Variants in PTAFR observed in about 807,000 individuals in gnomAD.
The protein encoded by PTAFR is platelet-activating factor receptor.
In PTAFR, 8 loss-of-function variants were observed where a neutral mutation model predicts 14.7. The observed-to-expected ratio is 0.54, with a 90% confidence interval of 0.32 to 0.98. PTAFR has a LOEUF of 0.98. Among genes scored for constraint, PTAFR ranks in the 50% least tolerant of loss-of-function variants. PTAFR has a pLI of 0.04. For missense variants in PTAFR, 337 were observed against 451.2 expected (o/e 0.75, Z 2.29); for synonymous variants, 156 against 176.5 (o/e 0.88, Z 0.92).
chr1:28,177,728 T>A (rs1240189146), upstream of PTAFR, among the ~76,000 whole-genome samples: 1 of 152,146 alleles, frequency 6.6e-6, no homozygotes, highest in African/African-American at 2.4e-5. Context: ...AATTTGGACA[T>A]ACTTTCTTCT....
chr1:28,147,294 C>T lies in PTAFR; in HGVS notation c.*2699G>A, dbSNP rs1646127970. ...GGGGAGTTAGCACAGAAGCACTTTC[C>T]TCATTCAGAGCTCTTTTGGCTGCGA... On this transcript the variant is annotated 3_prime_UTR_variant, in exon 2 of 2. Coordinates refer to ENST00000373857, the MANE Select transcript of PTAFR (RefSeq NM_000952.5). 1 of 152,090 alleles carries T rather than the reference C, an allele frequency of 6.6e-6. No individual in the cohort carries two copies. Among genetic ancestry groups the T allele is most frequent in the African/African-American group, 2.4e-5 (1 of 41,412 alleles). 9.4% of individuals were successfully genotyped at this position (152,090 alleles called of 1,614,324 possible).
chr1:28,155,947 C>A (rs1266760396), intron 1 of PTAFR, among the ~76,000 whole-genome samples: 1 of 151,920 alleles, frequency 6.6e-6, no homozygotes, highest in Non-Finnish European at 1.5e-5. Context: ...CTACTATATG[C>A]GGGGCTTTGA....
At chr1:28,172,340 C>T (rs1020119752) in intron 1 of PTAFR, among the ~76,000 whole-genome samples, 5 of 152,150 alleles carry the variant, frequency 3.3e-5, no homozygotes, top group South Asian at 2.1e-4. Context: ...CCAGGAATCA[C>T]GCTGACATCT....
Position 28,165,827 on chromosome 1 carries a change from A to C in PTAFR, c.-39+10765T>G, listed in dbSNP as rs187646422. Reference sequence around the variant, plus strand: ...AAAGAAATTGAAGATGACACAAATAAATGGAAAGACATCCCAAGTTCATGG... The same window carrying C: ...AAAGAAATTGAAGATGACACAAATACATGGAAAGACATCCCAAGTTCATGG... On this transcript the variant is annotated intron_variant, in intron 1 of 1. Transcript: ENST00000373857. Among the ~76,000 whole-genome samples the C allele has an allele frequency of 2.9e-3, 445 of 152,256 alleles. 13 individuals are homozygous for C. The highest frequency in any genetic ancestry group is 4.1e-4 in the Non-Finnish European group (28 of 68,018).
upstream of PTAFR, among the ~76,000 whole-genome samples, chr1:28,178,808 T>C (rs1646539821): frequency 2.0e-5 from 3 of 151,320 alleles, no homozygotes; most frequent in South Asian, 6.2e-4. Context: ...ATCTCCTTCC[T>C]CGAGTTCATG....
chr1:28,159,537 C>T (rs1279430439), intron 1 of PTAFR, among the ~76,000 whole-genome samples: 1 of 152,080 alleles, frequency 6.6e-6, no homozygotes, highest in Non-Finnish European at 1.5e-5. Flanking sequence ...GTCAAATCCT[C>T]ACTCAAGAAG....
chr1:28,151,330 C>A (rs1234300947), intron 1 of PTAFR, among the ~76,000 whole-genome samples: 2 of 152,088 alleles, frequency 1.3e-5, no homozygotes, highest in Non-Finnish European at 2.9e-5. Flanking sequence ...CAGGCATGCA[C>A]CACCATGCCT....
At chr1:28,162,897 C>T (rs556585036) in intron 1 of PTAFR, among the ~76,000 whole-genome samples, 2 of 151,812 alleles carry the variant, frequency 1.3e-5, no homozygotes, top group South Asian at 4.2e-4. Context: ...GTGCACGCAC[C>T]GAAATCTGAG....
chr1:28,186,783 G>T (rs1042415661), intron 1 of PTAFR, among the ~76,000 whole-genome samples: 1 of 152,052 alleles, frequency 6.6e-6, no homozygotes, highest in African/African-American at 2.4e-5. Context: ...AAATTAACCC[G>T]GGGTGGTGGC....
At chr1:28,181,572 C>T (rs1646562889), upstream of PTAFR, among the ~76,000 whole-genome samples, 1 of 151,782 alleles carries the variant, frequency 6.6e-6, no homozygotes, top group Admixed American at 6.6e-5. Flanking sequence ...GGAGAAACCC[C>T]GTCTCTATTA....
chr1:28,161,995 C>A (rs1646329067), intron 1 of PTAFR, among the ~76,000 whole-genome samples: 1 of 152,084 alleles, frequency 6.6e-6, no homozygotes, highest in Admixed American at 6.6e-5. Context: ...GAACAAGAAA[C>A]TGAAAGGTTG....
At chr1:28,183,758 T>C (rs1338184063) in intron 1 of PTAFR, among the ~76,000 whole-genome samples, 2 of 152,104 alleles carry the variant, frequency 1.3e-5, no homozygotes, top group East Asian at 1.9e-4. Context: ...TGGTGGCACA[T>C]GCCTGTTAAT....
rs889937654 is a variant in PTAFR, at chr1:28,150,373, G to C, written c.649C>G (p.Pro217Ala). The change falls in exon 2 of 2, where the codon CCG becomes GCG. Residue 217 changes from proline (P) to alanine (A), a missense_variant. Transcript: ENST00000373857. The surrounding 1 kb of genome is among the most constrained non-coding windows in gnomAD (Gnocchi z 6.3). ...TCAGCGTTGCGCTGCTGCTGCACCGGCTGCATGAGCAAGGTACGGATGATG... is the reference window on the plus strand; with the variant it reads ...TCAGCGTTGCGCTGCTGCTGCACCGCCTGCATGAGCAAGGTACGGATGATG... ...LVIIRTLLMQ[P>A]VQQQRNAEVK... 1 of 1,613,980 alleles carries C rather than the reference G, an allele frequency of 6.2e-7. No homozygotes were observed. The highest frequency in any genetic ancestry group is 1.3e-5 in the African/African-American group (1 of 75,070).
intron 1 of PTAFR, among the ~76,000 whole-genome samples, chr1:28,161,741 G>A (rs987703559): frequency 1.3e-5 from 2 of 152,090 alleles, no homozygotes; most frequent in Non-Finnish European, 2.9e-5. Context: ...AGTCAATGAA[G>A]CTTAAGCTTT....
intron 1 of PTAFR, among the ~76,000 whole-genome samples, chr1:28,168,312 T>C (rs996813056): frequency 6.6e-5 from 10 of 152,038 alleles, no homozygotes; most frequent in African/African-American, 2.4e-4. Context: ...TTCATATTCA[T>C]AGCAACATTA....
chr1:28,169,834 T>A (rs1283063979), intron 1 of PTAFR, among the ~76,000 whole-genome samples: 1 of 152,118 alleles, frequency 6.6e-6, no homozygotes, highest in African/African-American at 2.4e-5. Flanking sequence ...ACCCTATCTC[T>A]ACTAAAAATA....
intron 1 of PTAFR, among the ~76,000 whole-genome samples, chr1:28,158,025 T>C (rs1164250211): frequency 6.6e-6 from 1 of 152,180 alleles, no homozygotes; most frequent in African/African-American, 2.4e-5. Flanking sequence ...CATGCATTCG[T>C]TGGACAAGCA....
chr1:28,191,702 CTCTTTTATA>C (rs1174339732), intron 1 of PTAFR, among the ~76,000 whole-genome samples: 3 of 150,894 alleles, frequency 2.0e-5, no homozygotes, highest in Non-Finnish European at 4.4e-5. Flanking sequence ...TCTCTATGTA[CTCTTTTATA>C]TCTATTGAAC....
intron 1 of PTAFR, among the ~76,000 whole-genome samples, chr1:28,189,123 T>G (rs1165628642): frequency 6.6e-6 from 1 of 152,272 alleles, no homozygotes; most frequent in East Asian, 1.9e-4. Flanking sequence ...GCTTGCCAGA[T>G]GTTGTGCCAA....
Sources: allele counts gnomAD v4.1 joint callset (sites outside exome capture counted in the v4.1 genomes callset), GRCh38; gene constraint gnomAD v4.1.1; non-coding constraint Gnocchi (gnomAD v3.1); transcripts MANE v1.5; gene names NCBI Gene and HGNC (gene_info 2026-07-23, HGNC 2026-07-21).